The following PDIA5 variants were observed in gnomAD, a reference collection of about 807,000 sequenced individuals.
The protein encoded by PDIA5 is protein disulfide-isomerase A5.
PDIA5 carries 58 observed loss-of-function variants against 77.6 expected under a neutral mutation model. That is an observed-to-expected ratio of 0.75 (90% confidence interval 0.61 to 0.93). The LOEUF (loss-of-function observed/expected upper bound fraction) is 0.93, where lower values mean the gene tolerates loss of function less well. Ranked by LOEUF, PDIA5 falls within the 40% of genes least tolerant of loss-of-function variation. The probability of loss-of-function intolerance (pLI) is 0.00; values close to 1 mark genes in which losing one functional copy is unlikely to be tolerated. For synonymous variants in PDIA5, 250 were observed against 252.1 expected, an observed-to-expected ratio of 0.99 and a Z score of 0.08; for missense variants, 630 against 647.7, an observed-to-expected ratio of 0.97 and a Z score of 0.30.
chr3:123,145,883 G>C (rs1006458266), intron 12 of PDIA5, among the ~76,000 whole-genome samples: 4 of 152,200 alleles, frequency 2.6e-5, no homozygotes, highest in African/African-American at 9.6e-5. Context: ...TGGCTGGTGG[G>C]GCAGATTCAA....
At chr3:123,135,006 TGCAGCCCCAG>T (rs1270601119) in intron 11 of PDIA5, among the ~76,000 whole-genome samples, 1 of 152,218 alleles carries the variant, frequency 6.6e-6, no homozygotes, top group Non-Finnish European at 1.5e-5. Context: ...GGGCCTCACA[TGCAGCCCCAG>T]GCCCGGTTTT....
chr3:123,116,603 G>A (rs772281589), intron 8 of PDIA5, among the ~76,000 whole-genome samples: 16 of 152,330 alleles, frequency 1.1e-4, no homozygotes, highest in African/African-American at 2.2e-4. Flanking sequence ...TCGGAACATC[G>A]TGGGTCCAGA....
intron 6 of PDIA5, among the ~76,000 whole-genome samples, chr3:123,107,207 T>C (rs9860689): frequency 0.18 from 27,588 of 152,246 alleles, 2,967 homozygotes; most frequent in Admixed American, 0.31. Flanking sequence ...TTTGTTTTTT[T>C]AAAGAATAAC....
At chr3:123,143,750 C>T (rs1371425865) in intron 11 of PDIA5, among the ~76,000 whole-genome samples, 1 of 152,202 alleles carries the variant, frequency 6.6e-6, no homozygotes, top group East Asian at 1.9e-4. Flanking sequence ...TGGAGCCTCC[C>T]ACTTGAGGGT....
chr3:123,131,527 C>A (rs536584089), intron 11 of PDIA5, among the ~76,000 whole-genome samples: 1 of 150,010 alleles, frequency 6.7e-6, no homozygotes, highest in Non-Finnish European at 1.5e-5. Context: ...GGCTGAGGCC[C>A]CAGGAGAGCC....
At chr3:123,102,099 G>A (rs1430178355) in intron 3 of PDIA5, among the ~76,000 whole-genome samples, 3 of 151,802 alleles carry the variant, frequency 2.0e-5, no homozygotes, top group South Asian at 2.1e-4. Context: ...TAGTAGAGAC[G>A]GGGTTTCACC....
intron 1 of PDIA5, among the ~76,000 whole-genome samples, chr3:123,068,352 TG>T (rs1933634146): frequency 1.3e-5 from 2 of 152,012 alleles, no homozygotes; most frequent in African/African-American, 4.8e-5. Context: ...CAGTGAGGAG[TG>T]GCCTGGTACT....
chr3:123,078,572 A>G (rs1247131785), intron 1 of PDIA5, among the ~76,000 whole-genome samples: 1 of 152,188 alleles, frequency 6.6e-6, no homozygotes, highest in Non-Finnish European at 1.5e-5. Flanking sequence ...CTCTACATAT[A>G]TGAAGTTTAT....
intron 15 of PDIA5, among the ~76,000 whole-genome samples, chr3:123,157,992 C>T (rs1297629263): frequency 2.6e-5 from 4 of 152,212 alleles, no homozygotes; most frequent in Non-Finnish European, 5.9e-5. Flanking sequence ...CCCACCTCTG[C>T]CATGGGCCCA....
intron 10 of PDIA5, among the ~76,000 whole-genome samples, chr3:123,125,905 T>C (rs1935237802): frequency 6.6e-6 from 1 of 152,156 alleles, no homozygotes; most frequent in Admixed American, 6.5e-5. Context: ...TGCTTTCCTG[T>C]TTTCCTTTTT....
At chr3:123,151,361 G>T (rs1232581658) in intron 14 of PDIA5, among the ~76,000 whole-genome samples, 2 of 152,250 alleles carry the variant, frequency 1.3e-5, no homozygotes, top group Non-Finnish European at 2.9e-5. Context: ...CTGGCATTAG[G>T]GGGTGGAGGA....
intron 7 of PDIA5, among the ~76,000 whole-genome samples, chr3:123,115,373 T>TG (rs781018892): frequency 2.0e-5 from 3 of 152,198 alleles, no homozygotes; most frequent in Non-Finnish European, 4.4e-5. Flanking sequence ...CTGGCCTTCC[T>TG]GGTCGCTTGA....
At chr3:123,072,338 A>G (rs1416206005) in intron 1 of PDIA5, among the ~76,000 whole-genome samples, 2 of 152,226 alleles carry the variant, frequency 1.3e-5, no homozygotes, top group Non-Finnish European at 2.9e-5. Context: ...AGGATTAGAA[A>G]AAATACAGGA....
chr3:123,113,452 AG>A (rs1379721617), intron 7 of PDIA5, among the ~76,000 whole-genome samples: 1 of 152,192 alleles, frequency 6.6e-6, no homozygotes, highest in Non-Finnish European at 1.5e-5. Context: ...AGGGGAAATT[AG>A]GTACCTCACA....
chr3:123,128,804 C>T (rs1467347387), intron 10 of PDIA5, among the ~76,000 whole-genome samples: 1 of 152,220 alleles, frequency 6.6e-6, no homozygotes, highest in African/African-American at 2.4e-5. Flanking sequence ...ATCCTCCCTC[C>T]TATACCCTAG....
chr3:123,131,743 G>C (rs1935375407), intron 11 of PDIA5, among the ~76,000 whole-genome samples: 1 of 151,890 alleles, frequency 6.6e-6, no homozygotes, highest in African/African-American at 2.4e-5. Flanking sequence ...GAGTTTTCTG[G>C]AGCAGTGTCT....
At chr3:123,070,559 G>T (rs757191566) in intron 1 of PDIA5, among the ~76,000 whole-genome samples, 3 of 152,210 alleles carry the variant, frequency 2.0e-5, no homozygotes, top group Non-Finnish European at 2.9e-5. Flanking sequence ...GAGCTTCCAG[G>T]CTGGGTGTCT....
intron 14 of PDIA5, among the ~76,000 whole-genome samples, chr3:123,151,737 TGCC>T (rs1318995550): frequency 1.2e-3 from 87 of 69,782 alleles, no homozygotes; most frequent in African/African-American, 4.2e-3. Flanking sequence ...CCTTCCTTCC[TGCC>T]TGCCTGCCTG....
intron 2 of PDIA5, 33 bp downstream of exon 2, chr3:123,089,327 A>G: frequency 6.2e-7 from 1 of 1,608,608 alleles, no homozygotes; most frequent in Non-Finnish European, 8.5e-7. Context: ...GAGGTCAACC[A>G]TCGGGGTAGG....
Sources: allele counts gnomAD v4.1 joint callset (sites outside exome capture counted in the v4.1 genomes callset), GRCh38; gene constraint gnomAD v4.1.1; transcripts MANE v1.5; gene names NCBI Gene and HGNC (gene_info 2026-07-23, HGNC 2026-07-21).